NUFIP2: variants seen among roughly 807,000 people sequenced by gnomAD.
The protein encoded by NUFIP2 is FMR1-interacting protein NUFIP2.
Under a neutral mutation model 56.9 loss-of-function variants are expected in NUFIP2, and 6 were observed. That is an observed-to-expected ratio of 0.11 (90% confidence interval 0.06 to 0.21). The LOEUF (loss-of-function observed/expected upper bound fraction) is 0.21. Ranked by LOEUF, NUFIP2 falls within the 10% of genes least tolerant of loss-of-function variation. The pLI is 1.00. For missense variants in NUFIP2, 828 were observed against 826.8 expected, an observed-to-expected ratio of 1.00 and a Z score of -0.02; for synonymous variants, 321 against 298.2, an observed-to-expected ratio of 1.08 and a Z score of -0.79.
chr17:29,291,929 TA>T (rs77451729), intron 1 of NUFIP2, among the ~76,000 whole-genome samples: 13,196 of 152,224 alleles, frequency 0.087, 820 homozygotes, highest in East Asian at 0.3. Flanking sequence ...CAATCTGCAA[TA>T]AAAAAGCACT....
chr17:29,268,951 TTAAAA>T (rs1219698624), intron 2 of NUFIP2, among the ~76,000 whole-genome samples: 2 of 152,176 alleles, frequency 1.3e-5, no homozygotes, highest in African/African-American at 2.4e-5. Flanking sequence ...GTTTGGCATC[TTAAAA>T]TAAGAAAATT....
rs369164936 is a variant in NUFIP2, at chr17:29,287,854, TGAG to T, written c.278-141_278-139del. 102 of 890,358 alleles carry T rather than the reference TGAG, an allele frequency of 1.1e-4. No individual in the cohort carries two copies. In the African/African-American group the frequency reaches 1.5e-3, roughly 13 times the overall value. 55.2% of individuals were successfully genotyped at this position (890,358 alleles called of 1,614,324 possible). A position where few individuals can be genotyped will look rare whatever the true frequency, so the allele number is the denominator to read the frequency against. On this transcript the variant is annotated intron_variant, in intron 1 of 3. Coordinates refer to ENST00000225388, the MANE Select transcript of NUFIP2 (RefSeq NM_020772.3). ...AGCTTTATATTATTTCACATCTCTA[TGAG>T]AAGACACCTGTCAGCCCCATTTTAC...
chr17:29,275,551 A>C (rs2153011544), intron 2 of NUFIP2, among the ~76,000 whole-genome samples: 1 of 152,310 alleles, frequency 6.6e-6, no homozygotes, highest in South Asian at 2.1e-4. Flanking sequence ...TCTTAACCAA[A>C]GGTAAGACAC....
Position 29,294,013 on chromosome 17 carries a change from T to C in NUFIP2, c.47A>G (p.His16Arg). The change falls in exon 1 of 4, where the codon CAC becomes CGC. Residue 16 changes from histidine (H) to arginine (R), a missense_variant. Transcript: ENST00000225388. ...GQPQPQHHHS[H>R]HHPHHHPQQQ... is the part of the protein sequence containing the mutation. ...CTGAGGGTGATGGTGCGGATGGTGG[T>C]GGCTGTGATGGTGCTGAGGCTGTGG... The C allele has an allele frequency of 1.2e-6, 2 of 1,612,582 alleles. No individual in the cohort carries two copies. Among genetic ancestry groups the C allele is most frequent in the African/African-American group, 2.7e-5 (2 of 74,932 alleles).
rs1427565061 is a variant in NUFIP2, at chr17:29,264,079, T to C, written c.*460A>G. 1.3e-5 allele frequency: 2 copies of C among 152,610 alleles called. No individual in the cohort carries two copies. The highest frequency in any genetic ancestry group is 4.8e-5 in the African/African-American group (2 of 41,458). The allele number at this position is 152,610 out of a possible 1,614,324, so 9.5% of individuals were successfully genotyped here. On this transcript the variant is annotated 3_prime_UTR_variant, in exon 4 of 4. Coordinates refer to ENST00000225388, the MANE Select transcript of NUFIP2 (RefSeq NM_020772.3). Reference sequence around the variant, plus strand: ...GTGGGGGGAAAATGTTGAATCATTCTGGGTTCCCCGTGATTAGTGTATCAC... The same window carrying C: ...GTGGGGGGAAAATGTTGAATCATTCCGGGTTCCCCGTGATTAGTGTATCAC...
chr17:29,286,461 A>G lies in NUFIP2; in HGVS notation c.1533T>C (p.Phe511=), dbSNP rs562184376. The part of the protein sequence containing the change: ...DIFQNQWGLS[F]INEPSAGPET... The stretch of plus-strand genomic sequence containing the variant: ...CAGGGCCAGCACTGGGCTCATTTAT[A>G]AATGATAAACCCCACTGATTCTGGA... The change falls in exon 2 of 4, where the codon TTT becomes TTC. Residue 511 remains phenylalanine (F), a synonymous_variant. Transcript: ENST00000225388. 1 of 1,614,186 alleles carries G rather than the reference A, an allele frequency of 6.2e-7. No individual in the cohort carries two copies. The highest frequency in any genetic ancestry group is 2.2e-5 in the East Asian group (1 of 44,890).
At chr17:29,278,270 A>G (rs1194439204) in intron 2 of NUFIP2, among the ~76,000 whole-genome samples, 2 of 151,282 alleles carry the variant, frequency 1.3e-5, no homozygotes, top group African/African-American at 4.9e-5. Flanking sequence ...TTTTTGAGAC[A>G]GAGTCTCGCT....
Position 29,292,326 on chromosome 17 carries a change from T to A in NUFIP2, c.277+1457A>T, listed in dbSNP as rs192982917. The stretch of plus-strand genomic sequence containing the variant: ...CACTCTTCCCCATCCTAACATTTTT[T>A]AAAATCCCTCACCTCAAAGACACTA... On this transcript the variant is annotated intron_variant, in intron 1 of 3. Transcript: ENST00000225388. Among the ~76,000 whole-genome samples the A allele has an allele frequency of 9.3e-3, 1,419 of 151,930 alleles. 10 individuals carry two copies. The highest frequency in any genetic ancestry group is 0.038 in the Middle Eastern group (11 of 286).
intron 2 of NUFIP2, among the ~76,000 whole-genome samples, chr17:29,274,946 G>A (rs189581201): frequency 2.0e-5 from 3 of 152,116 alleles, no homozygotes; most frequent in African/African-American, 7.2e-5. Flanking sequence ...GAAAAAGCAG[G>A]TTTTGGAAGA....
chr17:29,274,120 G>A (rs1469527147), intron 2 of NUFIP2, among the ~76,000 whole-genome samples: 1 of 152,222 alleles, frequency 6.6e-6, no homozygotes, highest in Non-Finnish European at 1.5e-5. Flanking sequence ...GGTGGTATGT[G>A]TGTGCTTTAA....
chr17:29,262,597 C>T lies in NUFIP2; in HGVS notation c.*1942G>A, dbSNP rs922677301. 2.6e-5 allele frequency: 4 copies of T among 152,282 alleles called. No homozygotes were observed. The highest frequency in any genetic ancestry group is 6.6e-5 in the Admixed American group (1 of 15,214). 9.4% of individuals were successfully genotyped at this position (152,282 alleles called of 1,614,324 possible). On this transcript the variant is annotated 3_prime_UTR_variant, in exon 4 of 4. Transcript: ENST00000225388. Reference sequence around the variant, plus strand: ...GGAACAAGGCAGACTAAATGCAGGGCACATCTGTAAACATATTATACATTT... The same window carrying T: ...GGAACAAGGCAGACTAAATGCAGGGTACATCTGTAAACATATTATACATTT...
At chr17:29,283,493 G>C (rs923328441) in intron 2 of NUFIP2, among the ~76,000 whole-genome samples, 2 of 152,034 alleles carry the variant, frequency 1.3e-5, no homozygotes, top group African/African-American at 4.8e-5. Flanking sequence ...TTGTTGCCCA[G>C]GCTGGTCTCA....
chr17:29,286,225 G>A lies in NUFIP2; in HGVS notation c.1769C>T (p.Ala590Val). 6.2e-7 allele frequency: 1 copy of A among 1,614,076 alleles called. No individual in the cohort carries two copies. ...LKSGTTSESG[A>V]LSLEPSHIGD... is the part of the protein sequence containing the mutation. Reference sequence around the variant, plus strand: ...TATATGACTGGGTTCCAAGGATAAGGCTCCACTCTCACTAGTAGTCCCAGA... The same window carrying A: ...TATATGACTGGGTTCCAAGGATAAGACTCCACTCTCACTAGTAGTCCCAGA... The change falls in exon 2 of 4, where the codon GCC (alanine) becomes GTC (valine). Residue 590 changes from alanine to valine, a missense_variant. By Grantham distance (64) the Ala-to-Val change is moderately conservative. Transcript: ENST00000225388.
chr17:29,290,830 C>T (rs945846929), intron 1 of NUFIP2, among the ~76,000 whole-genome samples: 4 of 151,708 alleles, frequency 2.6e-5, no homozygotes, highest in African/African-American at 9.7e-5. Context: ...TCCTTGGGCC[C>T]ATTAGTCACA....
At chr17:29,265,992 C>A (rs557889492) in intron 3 of NUFIP2, among the ~76,000 whole-genome samples, 2 of 151,944 alleles carry the variant, frequency 1.3e-5, no homozygotes, top group South Asian at 4.2e-4. Flanking sequence ...TTTTTTCAGA[C>A]GAAGTTTCGT....
chr17:29,280,111 G>A (rs961882858), intron 2 of NUFIP2, among the ~76,000 whole-genome samples: 17 of 152,034 alleles, frequency 1.1e-4, no homozygotes, highest in East Asian at 1.9e-4. Flanking sequence ...AGCCATGTCC[G>A]GCCCCAGCCT....
At position 29,286,593 on chromosome 17, in the gene NUFIP2, A is replaced by C. The variant is rs559825385; in HGVS notation, c.1401T>G (p.Ile467Met). The C allele has an allele frequency of 1.2e-6, 2 of 1,614,170 alleles. No homozygotes were observed. Among genetic ancestry groups the C allele is most frequent in the Non-Finnish European group, 1.7e-6 (2 of 1,180,036 alleles). Residue 467 changes from isoleucine (I) to methionine (M), a missense_variant, in exon 2 of 4, where the codon ATT (isoleucine) becomes ATG (methionine). Coordinates refer to ENST00000225388, the MANE Select transcript of NUFIP2 (RefSeq NM_020772.3). ...MSLTSAAVEQIKTSLFIYPSN... is the reference protein window; with the variant it reads ...MSLTSAAVEQMKTSLFIYPSN... ...AAGGATAGATAAAAAGGCTAGTCTT[A>C]ATTTGTTCAACAGCTGCTGAAGTTA...
At chr17:29,272,182 C>CT (rs2069078438) in intron 2 of NUFIP2, among the ~76,000 whole-genome samples, 1 of 150,030 alleles carries the variant, frequency 6.7e-6, no homozygotes, top group Non-Finnish European at 1.5e-5. Context: ...ACATTACCTT[C>CT]TGTCCTCAAA....
intron 2 of NUFIP2, among the ~76,000 whole-genome samples, chr17:29,282,528 A>G (rs1186367008): frequency 6.6e-6 from 1 of 151,514 alleles, no homozygotes; most frequent in Non-Finnish European, 1.5e-5. Context: ...AGCCTGGGCA[A>G]CAGAGCAAGA....
Sources: allele counts gnomAD v4.1 joint callset (sites outside exome capture counted in the v4.1 genomes callset), GRCh38; gene constraint gnomAD v4.1.1; transcripts MANE v1.5; gene names NCBI Gene and HGNC (gene_info 2026-07-23, HGNC 2026-07-21).